The following HS6ST2 variants were observed in gnomAD, a reference collection of about 807,000 sequenced individuals.
The protein encoded by HS6ST2 is heparan-sulfate 6-O-sulfotransferase 2.
In HS6ST2, 17 loss-of-function variants were observed where a neutral mutation model predicts 33.0. The observed-to-expected ratio is 0.52, with a 90% CI of 0.35 to 0.77. HS6ST2 has a LOEUF of 0.77. Among genes scored for constraint, HS6ST2 ranks in the 30% least tolerant of loss-of-function variants. HS6ST2 has a pLI of 0.01. For synonymous variants in HS6ST2, 248 were observed against 237.1 expected, an observed-to-expected ratio of 1.05 and a Z score of -0.42; for missense variants, 519 against 551.7, an observed-to-expected ratio of 0.94 and a Z score of 0.59.
In HS6ST2 at chrX:132,753,000, C is replaced by T. The variant is rs186999971; in HGVS notation, c.948-44506G>A. Among the ~76,000 whole-genome samples, 6 of 112,291 alleles carry T rather than the reference C, an allele frequency of 5.3e-5. No individual in the cohort carries two copies. In the East Asian group the frequency reaches 1.1e-3, roughly 21 times the overall value. ...GCAGCAGAGGGGCCAATGCTCTTTG[C>T]GAGGATGGCTTTGCTTGGCAGGAAT... is the stretch of plus-strand genomic sequence containing the variant. On this transcript the variant is annotated intron_variant, in intron 2 of 4. Transcript: ENST00000370833.
chrX:132,790,496 G>A (rs1040286436), intron 2 of HS6ST2, among the ~76,000 whole-genome samples: 16 of 111,759 alleles, frequency 1.4e-4, no homozygotes, highest in African/African-American at 3.6e-4. Context: ...GGTCTGGAAC[G>A]AAACCCGCAG....
chrX:132,656,428 G>A (rs2063730077), intron 4 of HS6ST2, among the ~76,000 whole-genome samples: 1 of 110,824 alleles, frequency 9.0e-6, no homozygotes, highest in Admixed American at 9.6e-5. Context: ...TCTTAGCAAC[G>A]GGGCTTTTGT....
At chrX:132,837,698 T>A (rs1432360127) in intron 2 of HS6ST2, among the ~76,000 whole-genome samples, 1 of 111,942 alleles carries the variant, frequency 8.9e-6, no homozygotes, top group Non-Finnish European at 1.9e-5. Context: ...GAAACTCAGA[T>A]CTAATCTCTC....
chrX:132,672,575 T>C (rs2063892749), intron 3 of HS6ST2, among the ~76,000 whole-genome samples: 1 of 111,664 alleles, frequency 9.0e-6, no homozygotes, highest in Non-Finnish European at 1.9e-5. Flanking sequence ...CCAAGCCTCA[T>C]TAAAGGCCTG....
intron 2 of HS6ST2, among the ~76,000 whole-genome samples, chrX:132,768,770 A>G (rs112942822): frequency 0.043 from 4,831 of 112,280 alleles, 178 homozygotes; most frequent in African/African-American, 0.12. Flanking sequence ...GATTTTGTGG[A>G]TCTTTACATT....
intron 3 of HS6ST2, among the ~76,000 whole-genome samples, chrX:132,696,355 GT>G (rs2064104930): frequency 8.9e-6 from 1 of 111,750 alleles, no homozygotes; most frequent in Admixed American, 9.5e-5. Flanking sequence ...GAGTTGGTAA[GT>G]TCTATAGAGT....
chrX:132,811,771 A>G (rs940399845), intron 2 of HS6ST2, among the ~76,000 whole-genome samples: 2 of 90,091 alleles, frequency 2.2e-5, no homozygotes, highest in Non-Finnish European at 4.2e-5. Flanking sequence ...AATGTGTATT[A>G]ATCACATCAC....
chrX:132,728,685 C>T (rs2064422573), intron 2 of HS6ST2, among the ~76,000 whole-genome samples: 1 of 111,861 alleles, frequency 8.9e-6, no homozygotes, highest in Non-Finnish European at 1.9e-5. Context: ...ATGACTCTGG[C>T]AATAAGGGAA....
At chrX:132,762,366 A>G (rs2064810349) in intron 2 of HS6ST2, among the ~76,000 whole-genome samples, 1 of 112,010 alleles carries the variant, frequency 8.9e-6, no homozygotes, top group Non-Finnish European at 1.9e-5. Context: ...TCTTGATAGA[A>G]CCATTGTTCA....
chrX:132,749,146 T>C (rs2064676074), intron 2 of HS6ST2, among the ~76,000 whole-genome samples: 2 of 112,035 alleles, frequency 1.8e-5, no homozygotes, highest in South Asian at 3.8e-4. Context: ...GAGTAATCCA[T>C]CCTTCCTTCG....
At chrX:132,894,781 C>T (rs1178508863) in intron 2 of HS6ST2, among the ~76,000 whole-genome samples, 2 of 111,456 alleles carry the variant, frequency 1.8e-5, no homozygotes, top group African/African-American at 6.5e-5. Context: ...AGTGATCCAC[C>T]AGCCTCGGCC....
chrX:132,955,926 T>C (rs1307817018), intron 2 of HS6ST2, among the ~76,000 whole-genome samples: 1 of 112,494 alleles, frequency 8.9e-6, no homozygotes, highest in African/African-American at 3.2e-5. Context: ...GGCTCAAGCT[T>C]TTTAAATATT....
chrX:132,766,603 G>T (rs989063087), intron 2 of HS6ST2, among the ~76,000 whole-genome samples: 4 of 111,650 alleles, frequency 3.6e-5, no homozygotes, highest in Non-Finnish European at 7.5e-5. Flanking sequence ...CGTGAGACTG[G>T]GTAATTTATG....
intron 2 of HS6ST2, among the ~76,000 whole-genome samples, chrX:132,833,602 G>C (rs762731874): frequency 9.0e-6 from 1 of 110,853 alleles, no homozygotes; most frequent in East Asian, 2.8e-4. Flanking sequence ...CAGCAATTAG[G>C]AAACCTGTAA....
At chrX:132,812,189 G>A (rs1360024941) in intron 2 of HS6ST2, among the ~76,000 whole-genome samples, 2 of 109,161 alleles carry the variant, frequency 1.8e-5, no homozygotes, top group Non-Finnish European at 3.8e-5. Context: ...GGCAGATCAC[G>A]AGGTCAGGAG....
intron 2 of HS6ST2, among the ~76,000 whole-genome samples, chrX:132,881,089 A>G (rs755811847): frequency 9.0e-6 from 1 of 111,086 alleles, no homozygotes; most frequent in Non-Finnish European, 1.9e-5. Flanking sequence ...ATAAACATAC[A>G]TGTGCATGTG....
chrX:132,878,116 C>T (rs1325778748), intron 2 of HS6ST2, among the ~76,000 whole-genome samples: 2 of 112,071 alleles, frequency 1.8e-5, no homozygotes, highest in African/African-American at 6.5e-5. Context: ...TCCAGGTTCT[C>T]GTCTCATGAC....
intron 3 of HS6ST2, among the ~76,000 whole-genome samples, chrX:132,682,085 C>A (rs745838512): frequency 2.8e-4 from 31 of 112,308 alleles, no homozygotes; most frequent in Non-Finnish European, 5.1e-4. Flanking sequence ...GTAGGAAGAA[C>A]CTGCCCTATC....
intron 2 of HS6ST2, among the ~76,000 whole-genome samples, chrX:132,801,231 G>T (rs2065231761): frequency 9.1e-6 from 1 of 110,196 alleles, no homozygotes; most frequent in Admixed American, 9.7e-5. Flanking sequence ...GGGAGGCAGA[G>T]GTTGCAGTGA....
Sources: gnomAD v4.1 joint callset for allele counts (sites outside exome capture counted in the v4.1 genomes callset) on GRCh38, gnomAD v4.1.1 for gene constraint, MANE v1.5 for transcripts, NCBI Gene and HGNC (gene_info 2026-07-23, HGNC 2026-07-21) for gene names.